NR3C1: variants seen among roughly 807,000 people sequenced by gnomAD.
NR3C1 encodes nuclear receptor subfamily 3 group C member 1.
Under a neutral mutation model 74.0 loss-of-function variants are expected in NR3C1, and 14 were observed. The ratio of observed to expected loss-of-function variants is 0.19; its 90% CI spans 0.12 to 0.30. The LOEUF is 0.30. Among genes scored for constraint, NR3C1 ranks in the 10% least tolerant of loss-of-function variants. The pLI is 1.00. For missense variants in NR3C1, 695 were observed against 909.8 expected (o/e 0.76, Z 3.04); for synonymous variants, 308 against 332.5 (o/e 0.93, Z 0.80).
intron 2 of NR3C1, among the ~76,000 whole-genome samples, chr5:143,383,944 G>A (rs763045888): frequency 2.0e-5 from 3 of 152,100 alleles, no homozygotes; most frequent in Admixed American, 6.5e-5. Context: ...GTATTATTCC[G>A]TTTTCACACT....
chr5:143,295,665 T>C, intron 6 of NR3C1, 75 bp from the exon 7 acceptor site: 1 of 1,221,472 alleles, frequency 8.2e-7, no homozygotes, highest in Non-Finnish European at 1.2e-6. Context: ...TTTGTTTTGT[T>C]TTGCAAAACT....
At chr5:143,311,541 T>C (rs1820937969) in intron 3 of NR3C1, among the ~76,000 whole-genome samples, 1 of 152,232 alleles carries the variant, frequency 6.6e-6, no homozygotes, top group African/African-American at 2.4e-5. Flanking sequence ...TATCTGTTCC[T>C]TATCTATAAA....
Position 143,298,936 on chromosome 5 carries a change from A to G in NR3C1, c.1748-124T>C, listed in dbSNP as rs10482684. ...CAAGGGCACCCCTAACAGAAAATGG[A>G]AATTAAATACTAGGTAGACACAGTT... On this transcript the variant is annotated intron_variant, in intron 5 of 8. Coordinates refer to ENST00000394464, the MANE Select transcript of NR3C1 (RefSeq NM_000176.3). The G allele has an allele frequency of 4.8e-4, 422 of 882,678 alleles. 2 individuals are homozygous for G. In the African/African-American group the frequency reaches 6.3e-3, roughly 13 times the overall value. The allele number at this position is 882,678 out of a possible 1,614,324, so 54.7% of individuals were successfully genotyped here.
At chr5:143,297,242 G>GT (rs1817509058) in intron 6 of NR3C1, among the ~76,000 whole-genome samples, 2 of 152,172 alleles carry the variant, frequency 1.3e-5, no homozygotes, top group South Asian at 4.1e-4. Context: ...TGTAAGGAAT[G>GT]TATGTGGCAT....
chr5:143,420,695 A>G (rs982892499), intron 1 of NR3C1, among the ~76,000 whole-genome samples: 1 of 152,160 alleles, frequency 6.6e-6, no homozygotes, highest in Non-Finnish European at 1.5e-5. Flanking sequence ...TGCAATGCAT[A>G]GCACAGCCCC....
chr5:143,309,639 T>C (rs542134450), intron 4 of NR3C1, among the ~76,000 whole-genome samples: 13 of 151,872 alleles, frequency 8.6e-5, no homozygotes, highest in Admixed American at 7.9e-4. Flanking sequence ...GTTTTTTTTT[T>C]CCCACCACCC....
At chr5:143,310,456 A>G (rs1385620272) in intron 3 of NR3C1, among the ~76,000 whole-genome samples, 4 of 152,304 alleles carry the variant, frequency 2.6e-5, no homozygotes, top group African/African-American at 4.8e-5. Flanking sequence ...CAGTATTCAC[A>G]TATAAAAAAA....
At chr5:143,307,510 A>G (rs1354389336) in intron 4 of NR3C1, among the ~76,000 whole-genome samples, 1 of 152,180 alleles carries the variant, frequency 6.6e-6, no homozygotes, top group Non-Finnish European at 1.5e-5. Flanking sequence ...TATATACTTA[A>G]AACTCCAAAG....
intron 2 of NR3C1, among the ~76,000 whole-genome samples, chr5:143,386,784 C>T (rs1837306844): frequency 6.6e-6 from 1 of 152,194 alleles, no homozygotes; most frequent in African/African-American, 2.4e-5. Flanking sequence ...AATTATAAGA[C>T]TATCCCTATA....
chr5:143,291,527 A>ATTACTTTTCTTTAGCGTAAG (rs57155518), intron 7 of NR3C1, among the ~76,000 whole-genome samples: 1 of 151,934 alleles, frequency 6.6e-6, no homozygotes, highest in African/African-American at 2.4e-5. Flanking sequence ...CCTGGCTGGG[A>ATTACTTTTCTTTAGCGTAAG]TATATCCTCT....
intron 2 of NR3C1, among the ~76,000 whole-genome samples, chr5:143,374,322 C>T (rs1452626211): frequency 2.0e-5 from 3 of 152,046 alleles, no homozygotes; most frequent in African/African-American, 7.2e-5. Context: ...GAAACCCCGA[C>T]TCTACTAAAA....
chr5:143,294,202 C>T (rs1287978944), intron 7 of NR3C1: 8 of 984,986 alleles, frequency 8.1e-6, no homozygotes, highest in Non-Finnish European at 8.4e-6. Flanking sequence ...TGTGCAACAT[C>T]CATAGCTTAC....
rs1178446851 is a variant in NR3C1 at position 143,403,330 on chromosome 5, A to T, written c.-133T>A. The T allele has an allele frequency of 1.0e-6, 1 of 985,034 alleles. No individual in the cohort carries two copies. The allele number at this position is 985,034 out of a possible 1,614,324, so 61.0% of individuals were successfully genotyped here. ...GAAATATATTTTTTTTTTCTAAAAA[A>T]AGGAAGTAAACAGCCGCCCCTTTCT... On this transcript the variant is annotated 5_prime_UTR_variant, in exon 1 of 9. Transcript: ENST00000394464.
chr5:143,378,008 G>C (rs1390830861), intron 2 of NR3C1, among the ~76,000 whole-genome samples: 1 of 152,128 alleles, frequency 6.6e-6, no homozygotes, highest in Non-Finnish European at 1.5e-5. Context: ...CCAGCATTTT[G>C]GAAGGCTGAG....
intron 2 of NR3C1, among the ~76,000 whole-genome samples, chr5:143,392,418 TATTTA>T (rs897249535): frequency 6.6e-6 from 1 of 152,210 alleles, no homozygotes; most frequent in African/African-American, 2.4e-5. Flanking sequence ...CTTTATATTT[TATTTA>T]AAGATTCGCT....
At chr5:143,400,977 C>CT (rs1840161000) in intron 1 of NR3C1, 125 bp from the exon 2 acceptor site, 1 of 767,208 alleles carries the variant, frequency 1.3e-6, no homozygotes, top group Non-Finnish European at 2.2e-6. Flanking sequence ...GAATCAAATT[C>CT]TTTGTTACCA....
In NR3C1 at chr5:143,291,597, T is replaced by C. The variant is rs568634589; in HGVS notation, c.2023+3863A>G. ...TATTTTCACCTCCTAGTTAAAAAAA[T>C]AGCTGATTGGTGTACTTAGAGCATT... On this transcript the variant is annotated intron_variant, in intron 7 of 8. Coordinates refer to ENST00000394464, the MANE Select transcript of NR3C1 (RefSeq NM_000176.3). Among the ~76,000 whole-genome samples the C allele has an allele frequency of 4.6e-5, 7 of 152,318 alleles. No individual in the cohort carries two copies. In the South Asian group the frequency reaches 1.4e-3, roughly 32 times the overall value.
At chr5:143,434,456 T>C in intron 1 of NR3C1, 1 of 803,148 alleles carries the variant, frequency 1.2e-6, no homozygotes, top group Non-Finnish European at 1.5e-6. Flanking sequence ...CTCTGACCTC[T>C]GAGTGACCTT....
intron 7 of NR3C1, among the ~76,000 whole-genome samples, chr5:143,292,683 GT>G (rs1451801165): frequency 2.6e-5 from 4 of 152,182 alleles, no homozygotes; most frequent in Non-Finnish European, 4.4e-5. Flanking sequence ...GTCCCTGGGA[GT>G]TTTTAACTCT....
Sources: gnomAD v4.1 joint callset for allele counts (sites outside exome capture counted in the v4.1 genomes callset) on GRCh38, gnomAD v4.1.1 for gene constraint, MANE v1.5 for transcripts, NCBI Gene and HGNC (gene_info 2026-07-23, HGNC 2026-07-21) for gene names.